Variants in ZYG11B observed in about 807,000 individuals in gnomAD.
ZYG11B encodes zyg-11 family member B, cell cycle regulator.
A neutral mutation model predicts 82.4 loss-of-function variants in ZYG11B; 36 were observed. The ratio of observed to expected loss-of-function variants is 0.44; its 90% CI spans 0.33 to 0.58. The LOEUF is 0.58. Ranked by LOEUF, ZYG11B falls within the 20% of genes least tolerant of loss-of-function variation. The probability of loss-of-function intolerance (pLI) is 0.02; values close to 1 mark genes in which losing one functional copy is unlikely to be tolerated. For missense variants in ZYG11B, 552 were observed against 895.6 expected, an observed-to-expected ratio of 0.62 and a Z score of 4.90; for synonymous variants, 303 against 312.8, an observed-to-expected ratio of 0.97 and a Z score of 0.33.
In ZYG11B at chr1:52,826,563, A is replaced by C. The variant is rs944633521; in HGVS notation, c.*4934A>C. On this transcript the variant is annotated 3_prime_UTR_variant, in exon 14 of 14. Transcript: ENST00000294353. ...CTAATTATGCATTCTTTGGTTTCCA[A>C]ATCTTAATCTAAGATACTTTGTTAA... The C allele has an allele frequency of 6.6e-6, 1 of 152,200 alleles. No homozygotes were observed. Among genetic ancestry groups the C allele is most frequent in the African/African-American group, 2.4e-5 (1 of 41,444 alleles). 9.4% of individuals were successfully genotyped at this position (152,200 alleles called of 1,614,324 possible).
intron 1 of ZYG11B, among the ~76,000 whole-genome samples, chr1:52,739,080 C>CG (rs980476690): frequency 4.0e-5 from 6 of 150,950 alleles, no homozygotes; most frequent in Admixed American, 1.3e-4. Flanking sequence ...CTCCGCCTCC[C>CG]GGGGTCAAGC....
At chr1:52,777,078 C>T (rs1248842324) in intron 3 of ZYG11B, among the ~76,000 whole-genome samples, 2 of 151,922 alleles carry the variant, frequency 1.3e-5, no homozygotes, top group Admixed American at 6.6e-5. Context: ...GGCGTGGTGG[C>T]GGGCGCCTGT....
chr1:52,785,040 C>G lies in ZYG11B; in HGVS notation c.1256C>G (p.Pro419Arg). The G allele has an allele frequency of 6.2e-7, 1 of 1,612,874 alleles. No individual in the cohort carries two copies. Among genetic ancestry groups the G allele is most frequent in the Non-Finnish European group, 8.5e-7 (1 of 1,179,806 alleles). Reference protein sequence around the residue: ...HLLLKAMEHFPNHQQLQKNCL... With the variant: ...HLLLKAMEHFRNHQQLQKNCL... Reference sequence around the variant, plus strand: ...CTGCTCAAAGCCATGGAACATTTTCCCAATCACCAGCAGGTAAGCTTATGT... The same window carrying G: ...CTGCTCAAAGCCATGGAACATTTTCGCAATCACCAGCAGGTAAGCTTATGT... Residue 419 changes from proline to arginine, a missense_variant, in exon 5 of 14, where the codon CCC becomes CGC. Pro to Arg is a moderately radical substitution (Grantham distance 103). This residue lies in a region of ZYG11B where 359 missense variants were observed against 555.8 expected (regional missense o/e 0.65). Transcript: ENST00000294353.
chr1:52,810,831 T>A lies in ZYG11B; in HGVS notation c.1696-2705T>A, dbSNP rs1645176146. The stretch of plus-strand genomic sequence containing the variant: ...GGGCGGATCACCTGAGGTCAGGAGT[T>A]CAAGACCAGCCTGGCCAACATGGCG... On this transcript the variant is annotated intron_variant, in intron 10 of 13. Transcript: ENST00000294353. 2.6e-5 allele frequency among the ~76,000 whole-genome samples: 4 copies of A among 152,136 alleles called. No homozygotes were observed. In the South Asian group the frequency reaches 8.3e-4, roughly 32 times the overall value.
At chr1:52,760,312 C>T (rs1274774714) in intron 2 of ZYG11B, among the ~76,000 whole-genome samples, 2 of 151,990 alleles carry the variant, frequency 1.3e-5, no homozygotes, top group Admixed American at 6.6e-5. Context: ...GGCGTGGTGG[C>T]GGGCGCCTGT....
At chr1:52,738,047 G>A (rs1222256577) in intron 1 of ZYG11B, among the ~76,000 whole-genome samples, 1 of 152,148 alleles carries the variant, frequency 6.6e-6, no homozygotes, top group African/African-American at 2.4e-5. Flanking sequence ...GATGAATTGC[G>A]AAGCAGTATC....
intron 4 of ZYG11B, among the ~76,000 whole-genome samples, chr1:52,783,790 A>T (rs1384105478): frequency 3.4e-5 from 2 of 58,038 alleles, no homozygotes; most frequent in Non-Finnish European, 6.1e-5. Flanking sequence ...GCCCAGCTTT[A>T]TATATATATA....
At chr1:52,803,103 T>TATATATATATATATATATATATATACAC (rs1558140012) in intron 10 of ZYG11B, among the ~76,000 whole-genome samples, 1 of 79,730 alleles carries the variant, frequency 1.3e-5, no homozygotes, top group Non-Finnish European at 1.9e-5. Context: ...TATATACATA[T>TATATATATATATATATATATATATACAC]ATATATATAT....
intron 6 of ZYG11B, 88 bp downstream of exon 6, chr1:52,790,155 T>C: frequency 1.2e-6 from 1 of 845,802 alleles, no homozygotes; most frequent in Non-Finnish European, 1.8e-6. Context: ...AGGATATCCC[T>C]TTTATAAGAT....
intron 6 of ZYG11B, 57 bp downstream of exon 6, chr1:52,790,124 T>C: frequency 7.8e-7 from 1 of 1,274,766 alleles, no homozygotes; most frequent in Admixed American, 2.1e-5. Context: ...GAAATCTGTC[T>C]TGGGTCATTT....
At chr1:52,740,426 A>G (rs1273756193) in intron 1 of ZYG11B, among the ~76,000 whole-genome samples, 1 of 152,182 alleles carries the variant, frequency 6.6e-6, no homozygotes, top group Non-Finnish European at 1.5e-5. Context: ...TTTGTCATCT[A>G]GGAGTCTCCA....
At chr1:52,794,928 G>C (rs1199887146) in intron 6 of ZYG11B, among the ~76,000 whole-genome samples, 6 of 152,168 alleles carry the variant, frequency 3.9e-5, no homozygotes, top group Non-Finnish European at 7.3e-5. Flanking sequence ...CTGCTCTCCT[G>C]CTTCTGTCCT....
At chr1:52,810,169 A>G (rs1645171067) in intron 10 of ZYG11B, among the ~76,000 whole-genome samples, 1 of 152,158 alleles carries the variant, frequency 6.6e-6, no homozygotes, top group Non-Finnish European at 1.5e-5. Flanking sequence ...ATTCTCTGCT[A>G]CTGAAACAAG....
intron 13 of ZYG11B, among the ~76,000 whole-genome samples, 168 bp from the exon 14 acceptor site, chr1:52,821,270 CG>C (rs917534474): frequency 5.3e-5 from 8 of 151,400 alleles, no homozygotes; most frequent in African/African-American, 1.9e-4. Flanking sequence ...GCACTGTAGA[CG>C]TAACATCAGT....
Position 52,769,948 on chromosome 1 carries a change from T to C in ZYG11B, c.197-1072T>C, listed in dbSNP as rs117771779. Among the ~76,000 whole-genome samples, 344 of 151,940 alleles carry C rather than the reference T, an allele frequency of 2.3e-3. 4 individuals carry two copies. In the East Asian group the frequency reaches 0.05, roughly 22 times the overall value. ...GATATGTTGATGTGCCTCCAGAGTA[T>C]CATATGCTTGTGACACTGTTGATTG... is the stretch of plus-strand genomic sequence containing the variant. On this transcript the variant is annotated intron_variant, in intron 2 of 13. Coordinates refer to ENST00000294353, the MANE Select transcript of ZYG11B (RefSeq NM_024646.3).
At chr1:52,747,623 A>G (rs1026326116) in intron 1 of ZYG11B, among the ~76,000 whole-genome samples, 3 of 151,770 alleles carry the variant, frequency 2.0e-5, no homozygotes, top group African/African-American at 7.3e-5. Context: ...CAGGGACTGC[A>G]TGTGGTTCTA....
At chr1:52,752,152 C>CA (rs1644531723) in intron 1 of ZYG11B, among the ~76,000 whole-genome samples, 2 of 152,174 alleles carry the variant, frequency 1.3e-5, no homozygotes, top group Non-Finnish European at 2.9e-5. Context: ...TTAACCACAA[C>CA]ACCTGTCAGT....
chr1:52,784,055 G>A (rs1431502556), intron 4 of ZYG11B, among the ~76,000 whole-genome samples: 1 of 151,682 alleles, frequency 6.6e-6, no homozygotes, highest in Admixed American at 6.6e-5. Flanking sequence ...GCAATGGTGT[G>A]CTCTTGGCTC....
chr1:52,821,747 T>G lies in ZYG11B; in HGVS notation c.*118T>G. ...CTATGACAAGAGTCATAAAATCAGT[T>G]TGGGATTGATAATGTGTAGTACTGC... On this transcript the variant is annotated 3_prime_UTR_variant, in exon 14 of 14. Coordinates refer to ENST00000294353, the MANE Select transcript of ZYG11B (RefSeq NM_024646.3). The G allele has an allele frequency of 1.0e-6, 1 of 968,692 alleles. No homozygotes were observed. The highest frequency in any genetic ancestry group is 1.5e-6 in the Non-Finnish European group (1 of 660,350). The allele number at this position is 968,692 out of a possible 1,614,324, so 60.0% of individuals were successfully genotyped here.
Sources: allele counts gnomAD v4.1 joint callset (sites outside exome capture counted in the v4.1 genomes callset), GRCh38; gene constraint gnomAD v4.1.1; regional missense constraint gnomAD v4.1.1; transcripts MANE v1.5; gene names NCBI Gene and HGNC (gene_info 2026-07-23, HGNC 2026-07-21).